ZCCHC7: variants seen among roughly 807,000 people sequenced by gnomAD.
ZCCHC7 encodes zinc finger CCHC-type containing 7.
ZCCHC7 carries 35 observed loss-of-function variants against 52.0 expected under a neutral mutation model. The ratio of observed to expected loss-of-function variants is 0.67; its 90% CI spans 0.51 to 0.89. The LOEUF (loss-of-function observed/expected upper bound fraction) is 0.89, where lower values mean the gene tolerates loss of function less well. ZCCHC7 is among the 40% of genes least tolerant of loss of function. The pLI, the probability that ZCCHC7 is intolerant of heterozygous loss-of-function variation, is 0.00. For missense variants in ZCCHC7, 574 were observed against 649.1 expected, an observed-to-expected ratio of 0.88 and a Z score of 1.26; for synonymous variants, 217 against 221.5, an observed-to-expected ratio of 0.98 and a Z score of 0.18.
At chr9:37,326,742 TAAATG>T (rs1830259031) in intron 5 of ZCCHC7, among the ~76,000 whole-genome samples, 1 of 151,946 alleles carries the variant, frequency 6.6e-6, no homozygotes, top group Non-Finnish European at 1.5e-5. Context: ...CTTTGAAAAA[TAAATG>T]AAAGAGGAAT....
intron 2 of ZCCHC7, among the ~76,000 whole-genome samples, chr9:37,228,465 C>T (rs187649085): frequency 5.9e-5 from 9 of 152,068 alleles, no homozygotes; most frequent in Non-Finnish European, 7.4e-5. Flanking sequence ...TAACTGCAGC[C>T]TCGAACTCCT....
intron 2 of ZCCHC7, among the ~76,000 whole-genome samples, chr9:37,132,056 C>T (rs62535702): frequency 6.6e-6 from 1 of 152,004 alleles, no homozygotes; most frequent in Non-Finnish European, 1.5e-5. Flanking sequence ...CATGTTCTAT[C>T]GTTTGTTTTC....
chr9:37,308,933 A>G (rs1383928024), intron 5 of ZCCHC7, among the ~76,000 whole-genome samples: 1 of 151,098 alleles, frequency 6.6e-6, no homozygotes, highest in African/African-American at 2.4e-5. Flanking sequence ...GTGAGCCAAG[A>G]TCATGCCACT....
chr9:37,301,530 G>A (rs147171183), intron 2 of ZCCHC7, among the ~76,000 whole-genome samples: 121 of 152,222 alleles, frequency 7.9e-4, no homozygotes, highest in Non-Finnish European at 8.7e-4. Context: ...AGCCTGGGAG[G>A]CGGAGGTTGC....
chr9:37,120,856 A>G, intron 1 of ZCCHC7: 1 of 226,256 alleles, frequency 4.4e-6, no homozygotes, highest in East Asian at 8.3e-5. Flanking sequence ...CCAAGGGCTA[A>G]TGCCGTGATT....
chr9:37,340,428 C>T (rs982537277), intron 6 of ZCCHC7, among the ~76,000 whole-genome samples: 3 of 149,210 alleles, frequency 2.0e-5, no homozygotes, highest in African/African-American at 7.4e-5. Flanking sequence ...AAAAGAAATA[C>T]AAAAGGCCTG....
chr9:37,303,821 G>A (rs1036524473), intron 3 of ZCCHC7, among the ~76,000 whole-genome samples: 3 of 151,832 alleles, frequency 2.0e-5, no homozygotes, highest in Non-Finnish European at 2.9e-5. Context: ...GCGCCACCAC[G>A]CCCAGCTAGT....
intron 5 of ZCCHC7, among the ~76,000 whole-genome samples, chr9:37,326,519 A>C (rs1276720686): frequency 6.6e-6 from 1 of 151,344 alleles, no homozygotes; most frequent in Non-Finnish European, 1.5e-5. Context: ...ACAGCTTTCT[A>C]TAGGAAATTA....
chr9:37,351,504 A>G (rs1821376230), intron 7 of ZCCHC7, among the ~76,000 whole-genome samples: 1 of 152,134 alleles, frequency 6.6e-6, no homozygotes, highest in Admixed American at 6.5e-5. Context: ...ACATGGTCTC[A>G]CTATGATGCC....
At chr9:37,130,908 C>G (rs1413134808) in intron 2 of ZCCHC7, among the ~76,000 whole-genome samples, 1 of 151,934 alleles carries the variant, frequency 6.6e-6, no homozygotes, top group Non-Finnish European at 1.5e-5. Flanking sequence ...ATTCATAAGT[C>G]TGTGAAAGAC....
At chr9:37,145,066 A>T (rs1843379949) in intron 2 of ZCCHC7, 1 of 151,942 alleles carries the variant, frequency 6.6e-6, no homozygotes, top group African/African-American at 2.4e-5. Context: ...TGTACTTAGT[A>T]CCAATTAGTT....
At chr9:37,184,919 G>A (rs1458228843) in intron 2 of ZCCHC7, among the ~76,000 whole-genome samples, 1 of 152,116 alleles carries the variant, frequency 6.6e-6, no homozygotes, top group East Asian at 1.9e-4. Flanking sequence ...ATTTTAGAAT[G>A]GCAATAGTCC....
chr9:37,126,078 A>G (rs1288826959), intron 1 of ZCCHC7, among the ~76,000 whole-genome samples: 1 of 152,248 alleles, frequency 6.6e-6, no homozygotes, highest in African/African-American at 2.4e-5. Context: ...CTGTGTTTCC[A>G]TCAATAACTA....
intron 2 of ZCCHC7, among the ~76,000 whole-genome samples, chr9:37,167,634 A>G (rs972168807): frequency 3.3e-5 from 5 of 152,126 alleles, no homozygotes; most frequent in African/African-American, 1.2e-4. Context: ...AACTTGTTTT[A>G]TGCTGGTTAT....
intron 2 of ZCCHC7, among the ~76,000 whole-genome samples, chr9:37,233,409 A>G (rs760035312): frequency 6.6e-6 from 1 of 152,218 alleles, no homozygotes; most frequent in Admixed American, 6.5e-5. Flanking sequence ...TTTTGGGTAT[A>G]ATATGCTTAT....
chr9:37,333,621 C>CT (rs995203855), intron 6 of ZCCHC7, among the ~76,000 whole-genome samples: 2 of 151,386 alleles, frequency 1.3e-5, no homozygotes, highest in Non-Finnish European at 3.0e-5. Flanking sequence ...CACGTTTGCA[C>CT]TTTTTTTTAT....
At chr9:37,320,603 T>G (rs550205626) in intron 5 of ZCCHC7, among the ~76,000 whole-genome samples, 132 of 152,356 alleles carry the variant, frequency 8.7e-4, no homozygotes, top group African/African-American at 3.1e-3. Flanking sequence ...TCCTTTAGCC[T>G]CCATTATCAG....
At chr9:37,274,760 A>G (rs1827604167) in intron 2 of ZCCHC7, among the ~76,000 whole-genome samples, 1 of 152,016 alleles carries the variant, frequency 6.6e-6, no homozygotes, top group South Asian at 2.1e-4. Context: ...GAGTTTTAAA[A>G]ATATTTGCTG....
chr9:37,257,801 C>T (rs1257169656), intron 2 of ZCCHC7, among the ~76,000 whole-genome samples: 1 of 152,058 alleles, frequency 6.6e-6, no homozygotes. Context: ...TTGCCTTCTG[C>T]CATGATTCTA....
Sources: gnomAD v4.1 joint callset for allele counts (sites outside exome capture counted in the v4.1 genomes callset) on GRCh38, gnomAD v4.1.1 for gene constraint, MANE v1.5 for transcripts, NCBI Gene and HGNC (gene_info 2026-07-23, HGNC 2026-07-21) for gene names.